ATP2C1: variants seen among roughly 807,000 people sequenced by gnomAD.
ATP2C1 encodes calcium-transporting ATPase type 2C member 1.
A neutral mutation model predicts 120.5 loss-of-function variants in ATP2C1; 31 were observed. That is an observed-to-expected ratio of 0.26 (90% CI 0.19 to 0.35). ATP2C1 has a LOEUF of 0.35. ATP2C1 is among the 10% of genes least tolerant of loss of function. The pLI is 1.00. For synonymous variants in ATP2C1, 351 were observed against 358.7 expected (o/e 0.98, Z 0.24); for missense variants, 731 against 1,107.5 (o/e 0.66, Z 4.83).
intron 1 of ATP2C1, among the ~76,000 whole-genome samples, chr3:130,877,839 G>A (rs952987760): frequency 6.6e-6 from 1 of 152,120 alleles, no homozygotes; most frequent in Non-Finnish European, 1.5e-5. Context: ...ACATGCACGT[G>A]TATGTTTATT....
At chr3:130,975,037 C>G (rs1292608298) in intron 17 of ATP2C1, among the ~76,000 whole-genome samples, 1 of 152,150 alleles carries the variant, frequency 6.6e-6, no homozygotes, top group Non-Finnish European at 1.5e-5. Flanking sequence ...TATTTCTCTT[C>G]CATTTCCTGT....
intron 26 of ATP2C1, among the ~76,000 whole-genome samples, chr3:131,011,809 G>C (rs1180252035): frequency 6.6e-6 from 1 of 152,172 alleles, no homozygotes; most frequent in African/African-American, 2.4e-5. Context: ...ATTGTGTGTT[G>C]TCTCCCAAGC....
rs530532786 is a variant in ATP2C1, at chr3:130,989,071, T to C, written c.1840-3880T>C. Among the ~76,000 whole-genome samples the C allele has an allele frequency of 5.2e-4, 78 of 151,120 alleles. 1 individual carries two copies. The highest frequency in any genetic ancestry group is 1.3e-3 in the South Asian group (6 of 4,764). ...TTCAAGACCAGCCTGGCCAAGATGG[T>C]AAAACCCCGTCTCTACTAAAAATAC... On this transcript the variant is annotated intron_variant, in intron 20 of 27. Transcript: ENST00000510168.
rs2060020608 is a variant in ATP2C1 at position 130,943,711 on chromosome 3, A to T, written c.531+2012A>T. On this transcript the variant is annotated intron_variant, in intron 8 of 27. Coordinates refer to ENST00000510168, the MANE Select transcript of ATP2C1 (RefSeq NM_001378687.1). Reference sequence around the variant, plus strand: ...TAGTTGAACATTTTTTATTCTCTCTACCTTAATTCTGCCTTATTTGTTTTG... The same window carrying T: ...TAGTTGAACATTTTTTATTCTCTCTTCCTTAATTCTGCCTTATTTGTTTTG... 2.6e-5 allele frequency among the ~76,000 whole-genome samples: 4 copies of T among 152,134 alleles called. No individual in the cohort carries two copies. In the South Asian group the frequency reaches 8.3e-4, roughly 32 times the overall value.
chr3:130,965,252 ATCTC>A (rs980771278), intron 14 of ATP2C1, among the ~76,000 whole-genome samples: 2 of 151,952 alleles, frequency 1.3e-5, no homozygotes, highest in Non-Finnish European at 1.5e-5. Context: ...CCTCCTTGAC[ATCTC>A]TCTTTCAGTC....
chr3:130,873,412 G>A (rs1314734815), intron 1 of ATP2C1, among the ~76,000 whole-genome samples: 1 of 152,112 alleles, frequency 6.6e-6, no homozygotes, highest in South Asian at 2.1e-4. Flanking sequence ...GCAATGTTTT[G>A]AGCATTAAAT....
intron 1 of ATP2C1, among the ~76,000 whole-genome samples, chr3:130,854,030 C>T (rs1234947364): frequency 1.5e-5 from 2 of 137,094 alleles, no homozygotes; most frequent in Non-Finnish European, 3.4e-5. Context: ...TCTTCTCGCA[C>T]TTGGTGTCAT....
At chr3:130,925,463 G>T (rs947869260) in intron 2 of ATP2C1, among the ~76,000 whole-genome samples, 8 of 152,220 alleles carry the variant, frequency 5.3e-5, no homozygotes, top group Non-Finnish European at 4.4e-5. Flanking sequence ...ACTAGTACCT[G>T]CTCTGGTGGA....
chr3:130,945,742 C>T (rs1233537173), intron 8 of ATP2C1, among the ~76,000 whole-genome samples: 1 of 152,110 alleles, frequency 6.6e-6, no homozygotes, highest in East Asian at 1.9e-4. Flanking sequence ...ATATGTGCCA[C>T]ATTTTCTTAA....
At chr3:130,964,677 C>G (rs1276582340) in intron 13 of ATP2C1, among the ~76,000 whole-genome samples, 1 of 151,974 alleles carries the variant, frequency 6.6e-6, no homozygotes, top group Non-Finnish European at 1.5e-5. Flanking sequence ...TATATAAGAT[C>G]ATTACATAAA....
At chr3:131,013,919 C>T (rs1282662753) in intron 26 of ATP2C1, 2 of 583,264 alleles carry the variant, frequency 3.4e-6, no homozygotes, top group Non-Finnish European at 5.8e-6. Context: ...TACAAAATAA[C>T]TTGGAATTCA....
At chr3:130,975,106 C>G (rs2061485269) in intron 17 of ATP2C1, among the ~76,000 whole-genome samples, 2 of 152,130 alleles carry the variant, frequency 1.3e-5, no homozygotes, top group Admixed American at 1.3e-4. Flanking sequence ...CTTAGTATAG[C>G]ATTGCCTTTT....
intron 1 of ATP2C1, among the ~76,000 whole-genome samples, chr3:130,888,357 T>C (rs2069049363): frequency 6.6e-6 from 1 of 152,174 alleles, no homozygotes; most frequent in African/African-American, 2.4e-5. Context: ...ACCACCCTAG[T>C]CCAGTGGCTC....
chr3:130,950,136 A>C (rs1057148210), intron 8 of ATP2C1, among the ~76,000 whole-genome samples: 1 of 152,112 alleles, frequency 6.6e-6, no homozygotes. Flanking sequence ...GTTTTATGGG[A>C]ATAATAATCT....
In ATP2C1 at chr3:130,932,019, T is replaced by C; in HGVS notation, c.118-3T>C. The C allele has an allele frequency of 1.3e-6, 2 of 1,581,052 alleles. No individual in the cohort carries two copies. Among genetic ancestry groups the C allele is most frequent in the Non-Finnish European group, 8.7e-7 (1 of 1,150,014 alleles). The stretch of plus-strand genomic sequence containing the variant: ...AATAACTTTCATGTATAAACTCTAA[T>C]AGGCTGATCTTCAGAATGGTCTAAA... On this transcript the variant is annotated splice_region_variant and splice_polypyrimidine_tract_variant and intron_variant, in intron 3 of 27. Coordinates refer to ENST00000510168, the MANE Select transcript of ATP2C1 (RefSeq NM_001378687.1).
chr3:130,866,796 T>G (rs566872884), intron 1 of ATP2C1, among the ~76,000 whole-genome samples: 4 of 152,214 alleles, frequency 2.6e-5, no homozygotes, highest in Non-Finnish European at 5.9e-5. Flanking sequence ...GGTTTAAATA[T>G]TCATGTACGG....
At chr3:130,983,899 T>A (rs988224446) in intron 20 of ATP2C1, among the ~76,000 whole-genome samples, 16 of 152,236 alleles carry the variant, frequency 1.1e-4, no homozygotes, top group Admixed American at 9.8e-4. Context: ...CCACAGTTTA[T>A]CACTTCACCT....
chr3:131,015,341 C>A (rs755160161), intron 26 of ATP2C1: 10 of 635,788 alleles, frequency 1.6e-5, no homozygotes, highest in Middle Eastern at 2.5e-4. Context: ...CAATCTATCT[C>A]CTTTTTATCT....
chr3:130,872,439 A>T (rs1028334858), intron 1 of ATP2C1, among the ~76,000 whole-genome samples: 1 of 152,198 alleles, frequency 6.6e-6, no homozygotes, highest in Non-Finnish European at 1.5e-5. Flanking sequence ...GTTAATTAAC[A>T]TGTCTCAATT....
Sources: gnomAD v4.1 joint callset for allele counts (sites outside exome capture counted in the v4.1 genomes callset) on GRCh38, gnomAD v4.1.1 for gene constraint, MANE v1.5 for transcripts, NCBI Gene and HGNC (gene_info 2026-07-23, HGNC 2026-07-21) for gene names.